The following MRPL47 variants were observed in gnomAD, a reference collection of about 807,000 sequenced individuals.
MRPL47 encodes the protein large ribosomal subunit protein uL29m.
MRPL47 carries 31 observed loss-of-function variants against 34.0 expected under a neutral mutation model. That is an observed-to-expected ratio of 0.91 (90% CI 0.68 to 1.23). The LOEUF (loss-of-function observed/expected upper bound fraction) is 1.23. Among genes scored for constraint, MRPL47 ranks in the 50% most tolerant of loss-of-function variants. The pLI is 0.00. For synonymous variants in MRPL47, 106 were observed against 101.6 expected (o/e 1.04, Z -0.26); for missense variants, 328 against 285.8 (o/e 1.15, Z -1.07).
intron 4 of MRPL47, among the ~76,000 whole-genome samples, chr3:179,597,198 G>GA (rs1385214424): frequency 6.6e-6 from 1 of 151,980 alleles, no homozygotes; most frequent in East Asian, 1.9e-4. Context: ...AAAGATAAAA[G>GA]AAAAAAATGT....
chr3:179,599,130 C>CT (rs1390041658), intron 3 of MRPL47, among the ~76,000 whole-genome samples: 3 of 150,538 alleles, frequency 2.0e-5, no homozygotes, highest in Non-Finnish European at 4.4e-5. Flanking sequence ...GATCACACTA[C>CT]TATACTCCAG....
At chr3:179,594,838 G>A (rs1174785767) in intron 4 of MRPL47, among the ~76,000 whole-genome samples, 1 of 152,002 alleles carries the variant, frequency 6.6e-6, no homozygotes, top group East Asian at 1.9e-4. Flanking sequence ...TGTGAGATGG[G>A]CCAAACTTTT....
At chr3:179,602,598 C>CG (rs371595016) in intron 2 of MRPL47, 54 bp downstream of exon 2, 11,787 of 574,422 alleles carry the variant, frequency 0.021, 81 homozygotes, top group African/African-American at 0.09. Flanking sequence ...TTGGGCGGGG[C>CG]GGGGGGGGGG....
intron 3 of MRPL47, among the ~76,000 whole-genome samples, chr3:179,599,297 G>A (rs1407705333): frequency 6.6e-6 from 1 of 152,146 alleles, no homozygotes; most frequent in Non-Finnish European, 1.5e-5. Context: ...CATGTATTAA[G>A]TGCTAAGAGA....
intron 6 of MRPL47, among the ~76,000 whole-genome samples, chr3:179,590,062 G>A (rs1718635530): frequency 6.6e-6 from 1 of 152,198 alleles, no homozygotes; most frequent in Non-Finnish European, 1.5e-5. Context: ...TTATGTCATG[G>A]ACAGGTGCAG....
At chr3:179,589,566 C>G (rs1453515663) in intron 6 of MRPL47, among the ~76,000 whole-genome samples, 1 of 152,120 alleles carries the variant, frequency 6.6e-6, no homozygotes, top group Non-Finnish European at 1.5e-5. Flanking sequence ...AAAATCCTTG[C>G]ATACCAAGCT....
chr3:179,604,498 T>G, intron 1 of MRPL47, 29 bp downstream of exon 1: 1 of 1,588,030 alleles, frequency 6.3e-7, no homozygotes, highest in Non-Finnish European at 8.6e-7. Flanking sequence ...GTTGGAGAGG[T>G]GGGCAAACCT....
At chr3:179,599,710 A>G (rs1010894640) in intron 3 of MRPL47, among the ~76,000 whole-genome samples, 3 of 152,242 alleles carry the variant, frequency 2.0e-5, no homozygotes, top group African/African-American at 4.8e-5. Context: ...AGCTAAGATG[A>G]CCAGGGAAAG....
chr3:179,600,313 T>G (rs1412478969), intron 3 of MRPL47, among the ~76,000 whole-genome samples: 3 of 152,128 alleles, frequency 2.0e-5, no homozygotes, highest in African/African-American at 2.4e-5. Context: ...TTCTTTAATT[T>G]GTCATGAAAG....
rs776718192 is a variant in MRPL47 at position 179,601,766 on chromosome 3, A to G, written c.269T>C (p.Leu90Pro). Residue 90 changes from leucine to proline, a missense_variant, in exon 3 of 7, where the codon CTA becomes CCA. Coordinates refer to ENST00000476781, the MANE Select transcript of MRPL47 (RefSeq NM_020409.3). ...TAAATCTTCATTACTTTTGTTCCTTAGTTGCTGACAGGTCCATGCTGCTCC... is the reference window on the plus strand; with the variant it reads ...TAAATCTTCATTACTTTTGTTCCTTGGTTGCTGACAGGTCCATGCTGCTCC... ...KSGAAWTCQQ[L>P]RNKSNEDLHK... 2.5e-6 allele frequency: 4 copies of G among 1,609,048 alleles called. No homozygotes were observed. The highest frequency in any genetic ancestry group is 1.7e-5 in the Admixed American group (1 of 59,846).
intron 4 of MRPL47, among the ~76,000 whole-genome samples, chr3:179,596,766 G>C (rs939628295): frequency 1.3e-5 from 2 of 152,080 alleles, no homozygotes; most frequent in African/African-American, 4.8e-5. Context: ...TTTTAAAAAA[G>C]TTCAATGTCA....
At chr3:179,603,077 A>G (rs1423263517) in intron 1 of MRPL47, among the ~76,000 whole-genome samples, 2 of 152,034 alleles carry the variant, frequency 1.3e-5, no homozygotes, top group African/African-American at 4.8e-5. Context: ...TGGCCACAAT[A>G]AATTTTGAAA....
rs539400994 is a variant in MRPL47 at position 179,592,295 on chromosome 3, C to T, written c.629+349G>A. On this transcript the variant is annotated intron_variant, in intron 6 of 6. Transcript: ENST00000476781. ...CTGCAAGCTCTGCCTCCCGGGTTCA[C>T]GCCATTCTCCTGCCTCAGCCTCCCA... Among the ~76,000 whole-genome samples the T allele has an allele frequency of 2.9e-4, 44 of 152,142 alleles. 1 individual carries two copies. In the South Asian group the frequency reaches 6.8e-3, roughly 24 times the overall value.
chr3:179,593,681 T>G, intron 5 of MRPL47, 84 bp downstream of exon 5: 1 of 1,236,526 alleles, frequency 8.1e-7, no homozygotes, highest in Non-Finnish European at 1.1e-6. Flanking sequence ...ATGGTACAAA[T>G]TTTTTTTTAA....
Position 179,593,727 on chromosome 3 carries a change from A to T in MRPL47, c.533+38T>A, listed in dbSNP as rs117060488. 3.6e-4 allele frequency: 574 copies of T among 1,573,824 alleles called. 5 individuals are homozygous for T. In the East Asian group the frequency reaches 0.01, roughly 29 times the overall value. ...GCAGGGGAATGAGGCATGGATTTCC[A>T]CTCTCATCTTAGAAGAGCCACAGTG... On this transcript the variant is annotated intron_variant, in intron 5 of 6. Coordinates refer to ENST00000476781, the MANE Select transcript of MRPL47 (RefSeq NM_020409.3).
chr3:179,602,828 G>C, intron 1 of MRPL47, 31 bp from the exon 2 acceptor site: 1 of 1,529,898 alleles, frequency 6.5e-7, no homozygotes, highest in Non-Finnish European at 8.8e-7. Flanking sequence ...ACAAGTAAAA[G>C]TTTTATAATA....
rs1008992900 is a variant in MRPL47 at position 179,599,799 on chromosome 3, T to C, written c.306-1028A>G. On this transcript the variant is annotated intron_variant, in intron 3 of 6. Transcript: ENST00000476781. ...AGGTACTGAAGCAGCAGAGCTAAAG[T>C]GAAGGCAGATTTTCTGAATACATCT... Among the ~76,000 whole-genome samples, 9 of 152,230 alleles carry C rather than the reference T, an allele frequency of 5.9e-5. No homozygotes were observed. In the South Asian group the frequency reaches 1.9e-3, roughly 32 times the overall value.
intron 6 of MRPL47, among the ~76,000 whole-genome samples, chr3:179,591,310 G>T (rs1718667129): frequency 6.6e-6 from 1 of 152,300 alleles, no homozygotes; most frequent in African/African-American, 2.4e-5. Flanking sequence ...CCACAGCAAT[G>T]GGAGTTGGAT....
intron 4 of MRPL47, among the ~76,000 whole-genome samples, chr3:179,595,099 G>A (rs1395967029): frequency 2.0e-5 from 3 of 152,162 alleles, no homozygotes; most frequent in Admixed American, 2.0e-4. Context: ...AGGCTGGAGT[G>A]CAGTGGCACG....
Sources: allele counts gnomAD v4.1 joint callset (sites outside exome capture counted in the v4.1 genomes callset), GRCh38; gene constraint gnomAD v4.1.1; transcripts MANE v1.5; gene names NCBI Gene and HGNC (gene_info 2026-07-23, HGNC 2026-07-21).